ARHGAP42: variants seen among roughly 807,000 people sequenced by gnomAD.
ARHGAP42 encodes rho GTPase-activating protein 42.
Under a neutral mutation model 125.0 loss-of-function variants are expected in ARHGAP42, and 63 were observed. The observed-to-expected ratio is 0.50, with a 90% CI of 0.41 to 0.62. The LOEUF (loss-of-function observed/expected upper bound fraction) is 0.62. ARHGAP42 is among the 20% of genes least tolerant of loss of function. The pLI is 0.00. For synonymous variants in ARHGAP42, 339 were observed against 351.0 expected (o/e 0.97, Z 0.38); for missense variants, 766 against 1,024.2 (o/e 0.75, Z 3.44).
chr11:100,956,414 A>G (rs957585773), intron 12 of ARHGAP42, among the ~76,000 whole-genome samples: 2 of 152,138 alleles, frequency 1.3e-5, no homozygotes, highest in Non-Finnish European at 2.9e-5. Flanking sequence ...TTCACTCTGG[A>G]ACTTGAGTTG....
At chr11:100,805,135 A>G (rs187976428) in intron 3 of ARHGAP42, among the ~76,000 whole-genome samples, 2 of 152,318 alleles carry the variant, frequency 1.3e-5, no homozygotes, top group Admixed American at 1.3e-4. Context: ...TACCCATTTC[A>G]AAGTGTATGC....
intron 4 of ARHGAP42, among the ~76,000 whole-genome samples, chr11:100,902,819 C>T (rs978273737): frequency 6.6e-6 from 1 of 152,140 alleles, no homozygotes; most frequent in African/African-American, 2.4e-5. Flanking sequence ...CTGTCCTCTC[C>T]CATGACTGCC....
intron 14 of ARHGAP42, 64 bp downstream of exon 14, chr11:100,961,053 C>A: frequency 9.4e-7 from 1 of 1,063,324 alleles, no homozygotes; most frequent in Non-Finnish European, 1.3e-6. Context: ...AAAGTATGGA[C>A]TTCTTTGACT....
At chr11:100,901,798 G>A (rs150333231) in intron 4 of ARHGAP42, among the ~76,000 whole-genome samples, 2,628 of 152,288 alleles carry the variant, frequency 0.017, 81 homozygotes, top group African/African-American at 0.06. Flanking sequence ...GAAGTGTCCC[G>A]TTTTTCCAGG....
intron 3 of ARHGAP42, among the ~76,000 whole-genome samples, chr11:100,833,349 T>C (rs1458199445): frequency 6.6e-6 from 1 of 152,210 alleles, no homozygotes; most frequent in Non-Finnish European, 1.5e-5. Flanking sequence ...TAAGATAGTA[T>C]TCTGGTTTTC....
chr11:100,992,270 T>C lies in ARHGAP42; in HGVS notation c.*3469T>C. 6.5e-7 allele frequency: 1 copy of C among 1,542,846 alleles called. No homozygotes were observed. Among genetic ancestry groups the C allele is most frequent in the Non-Finnish European group, 8.7e-7 (1 of 1,149,486 alleles). On this transcript the variant is annotated 3_prime_UTR_variant, in exon 24 of 24. Coordinates refer to ENST00000298815, the MANE Select transcript of ARHGAP42 (RefSeq NM_152432.4). ...CCAATTTAGGGAACAGATTTTGTTCTTTGCTTTTATGATACATTTGTAACT... is the reference window on the plus strand; with the variant it reads ...CCAATTTAGGGAACAGATTTTGTTCCTTGCTTTTATGATACATTTGTAACT...
intron 1 of ARHGAP42, among the ~76,000 whole-genome samples, chr11:100,722,673 G>T (rs1042562514): frequency 6.6e-6 from 1 of 152,194 alleles, no homozygotes; most frequent in African/African-American, 2.4e-5. Context: ...ACAGGCGCAA[G>T]CCACCGCGCA....
chr11:100,881,480 G>T (rs1415072371), intron 4 of ARHGAP42, among the ~76,000 whole-genome samples: 1 of 152,138 alleles, frequency 6.6e-6, no homozygotes, highest in African/African-American at 2.4e-5. Flanking sequence ...GGTGACTATG[G>T]CCTTACAGTA....
chr11:100,775,020 C>CT (rs537539725), intron 2 of ARHGAP42, among the ~76,000 whole-genome samples: 324 of 146,700 alleles, frequency 2.2e-3, no homozygotes, highest in East Asian at 6.6e-3. Flanking sequence ...GTGTCCTGCA[C>CT]TTTTTTTTTT....
intron 1 of ARHGAP42, among the ~76,000 whole-genome samples, chr11:100,701,799 T>G (rs1861402173): frequency 6.6e-6 from 1 of 152,248 alleles, no homozygotes; most frequent in African/African-American, 2.4e-5. Flanking sequence ...TGCTTTCTTA[T>G]CATTTGTGTG....
chr11:100,813,029 A>T (rs908661801), intron 3 of ARHGAP42, among the ~76,000 whole-genome samples: 3 of 152,206 alleles, frequency 2.0e-5, no homozygotes, highest in African/African-American at 7.2e-5. Flanking sequence ...GATAATTTGC[A>T]CCAGGATGAA....
chr11:100,745,965 G>C (rs1862294816), intron 1 of ARHGAP42, among the ~76,000 whole-genome samples: 1 of 152,182 alleles, frequency 6.6e-6, no homozygotes. Context: ...TGTCTAAGTA[G>C]ATGTGGGAAT....
chr11:100,981,153 A>G (rs571081224), intron 22 of ARHGAP42, among the ~76,000 whole-genome samples: 1 of 152,308 alleles, frequency 6.6e-6, no homozygotes, highest in South Asian at 2.1e-4. Context: ...TATCCATACA[A>G]TGAAGATCAT....
chr11:100,962,052 A>G (rs908618784), intron 15 of ARHGAP42, among the ~76,000 whole-genome samples: 4 of 152,218 alleles, frequency 2.6e-5, no homozygotes, highest in African/African-American at 9.6e-5. Flanking sequence ...TTTTTAAATA[A>G]CAAATTGGAA....
At chr11:100,893,799 G>C (rs545747272) in intron 4 of ARHGAP42, among the ~76,000 whole-genome samples, 1 of 152,038 alleles carries the variant, frequency 6.6e-6, no homozygotes, top group African/African-American at 2.4e-5. Flanking sequence ...TCATAAAGAA[G>C]AACCCTATTT....
At chr11:100,889,079 A>G (rs1007596577) in intron 4 of ARHGAP42, among the ~76,000 whole-genome samples, 1 of 152,238 alleles carries the variant, frequency 6.6e-6, no homozygotes, top group African/African-American at 2.4e-5. Context: ...AACATAAGTC[A>G]TGTTTTAAGT....
chr11:100,804,152 C>A (rs1863930816), intron 3 of ARHGAP42, among the ~76,000 whole-genome samples: 1 of 152,006 alleles, frequency 6.6e-6, no homozygotes, highest in Non-Finnish European at 1.5e-5. Flanking sequence ...AAGTTTTTAT[C>A]TTTTTATTTT....
At chr11:100,931,388 G>T (rs762201512) in intron 6 of ARHGAP42, among the ~76,000 whole-genome samples, 1 of 152,150 alleles carries the variant, frequency 6.6e-6, no homozygotes, top group Non-Finnish European at 1.5e-5. Context: ...GTTCTGAATG[G>T]TTTACTTCAT....
At chr11:100,829,404 G>A (rs181984835) in intron 3 of ARHGAP42, among the ~76,000 whole-genome samples, 26 of 152,096 alleles carry the variant, frequency 1.7e-4, no homozygotes, top group African/African-American at 6.3e-4. Context: ...AACCTCACCA[G>A]GTTAATTCTG....
Sources: gnomAD v4.1 joint callset for allele counts (sites outside exome capture counted in the v4.1 genomes callset) on GRCh38, gnomAD v4.1.1 for gene constraint, MANE v1.5 for transcripts, NCBI Gene and HGNC (gene_info 2026-07-23, HGNC 2026-07-21) for gene names.